The following COG6 variants were observed in gnomAD, a reference collection of about 807,000 sequenced individuals.
COG6 encodes the protein conserved oligomeric Golgi complex subunit 6.
COG6 carries 74 observed loss-of-function variants against 88.8 expected under a neutral mutation model. The observed-to-expected ratio is 0.83, with a 90% CI of 0.69 to 1.01. COG6 has a LOEUF of 1.01. Ranked by LOEUF, COG6 falls within the 50% of genes least tolerant of loss-of-function variation. The pLI is 0.00. For synonymous variants in COG6, 286 were observed against 278.7 expected (o/e 1.03, Z -0.26); for missense variants, 800 against 797.9 (o/e 1.00, Z -0.03).
chr13:39,728,674 T>G (rs56322803), intron 18 of COG6, among the ~76,000 whole-genome samples: 39,453 of 151,594 alleles, frequency 0.26, 5,174 homozygotes, highest in African/African-American at 0.28. Flanking sequence ...TGTAGGTGCT[T>G]CTTTTTTTTT....
chr13:39,696,053 G>A (rs1163003778), intron 12 of COG6, among the ~76,000 whole-genome samples: 2 of 151,756 alleles, frequency 1.3e-5, no homozygotes, highest in Admixed American at 1.3e-4. Flanking sequence ...AGAAAATGCT[G>A]GAAATAAAAT....
At chr13:39,737,445 G>A (rs115534723) in intron 18 of COG6, among the ~76,000 whole-genome samples, 20 of 151,682 alleles carry the variant, frequency 1.3e-4, no homozygotes, top group African/African-American at 4.6e-4. Context: ...CAGAGAAGCT[G>A]TCTGGGATGC....
intron 18 of COG6, among the ~76,000 whole-genome samples, chr13:39,781,997 C>A (rs923442194): frequency 6.6e-6 from 1 of 152,182 alleles, no homozygotes; most frequent in African/African-American, 2.4e-5. Flanking sequence ...TGAACTTGTT[C>A]TTTCCCAGCT....
At chr13:39,728,224 C>T (rs562898710) in intron 18 of COG6, among the ~76,000 whole-genome samples, 89 of 152,050 alleles carry the variant, frequency 5.9e-4, no homozygotes, top group African/African-American at 1.4e-3. Context: ...ACTGTTTTCA[C>T]GGAGCTTATA....
chr13:39,724,425 G>T, intron 16 of COG6, 83 bp from the exon 17 acceptor site: 1 of 1,077,106 alleles, frequency 9.3e-7, no homozygotes, highest in South Asian at 1.4e-5. Context: ...GTGCACTAAT[G>T]AACTATATTC....
At chr13:39,778,819 C>T (rs1881545516) in intron 18 of COG6, among the ~76,000 whole-genome samples, 1 of 152,124 alleles carries the variant, frequency 6.6e-6, no homozygotes, top group Admixed American at 6.5e-5. Flanking sequence ...TGGTTTTGGT[C>T]CTCCCCTTGT....
chr13:39,765,161 A>G (rs1881128436), intron 18 of COG6, among the ~76,000 whole-genome samples: 1 of 152,078 alleles, frequency 6.6e-6, no homozygotes, highest in African/African-American at 2.4e-5. Context: ...CTTAAAAAAG[A>G]GTCGCTAAGA....
intron 18 of COG6, among the ~76,000 whole-genome samples, chr13:39,740,495 A>G (rs954789692): frequency 4.1e-4 from 62 of 152,218 alleles, no homozygotes; most frequent in African/African-American, 1.4e-3. Flanking sequence ...AGGTCAAAAA[A>G]TTTGTAAGAA....
At chr13:39,729,968 T>G (rs1879346722) in intron 18 of COG6, among the ~76,000 whole-genome samples, 1 of 152,204 alleles carries the variant, frequency 6.6e-6, no homozygotes, top group African/African-American at 2.4e-5. Context: ...ACTTGTCAGA[T>G]TTCCTAAGCT....
rs1876217949 is a variant in COG6 at position 39,680,044 on chromosome 13, A to G, written c.693A>G (p.Gln231=). 3.2e-6 allele frequency: 5 copies of G among 1,559,186 alleles called. No individual in the cohort carries two copies. Among genetic ancestry groups the G allele is most frequent in the Non-Finnish European group, 4.4e-6 (5 of 1,132,036 alleles). ...TAYERLYRWA[Q]SECRTLTQES... ...ATGAAAGACTTTACCGATGGGCTCA[A>G]AGTAAGTGATTTCTTTTATGTTGTC... Residue 231 remains glutamine (Q), a splice_region_variant and synonymous_variant, in exon 7 of 19, where the codon CAA becomes CAG. Transcript: ENST00000455146.
chr13:39,735,038 CTTGTTT>C, intron 18 of COG6, among the ~76,000 whole-genome samples: 1 of 151,410 alleles, frequency 6.6e-6, no homozygotes, highest in East Asian at 1.9e-4. Context: ...ATTTTTGGGT[CTTGTTT>C]TTTTAATCCA....
chr13:39,752,233 A>G lies in COG6; in HGVS notation c.*1140A>G. ...AGAAAATTGAAGCACAAGGAAAAAA[A>G]TAACTAGTTTGAAATATTTTGAAAA... On this transcript the variant is annotated 3_prime_UTR_variant, in exon 19 of 19. Coordinates refer to ENST00000455146, the MANE Select transcript of COG6 (RefSeq NM_020751.3). 9.5e-7 allele frequency: 1 copy of G among 1,047,784 alleles called. No homozygotes were observed. Among genetic ancestry groups the G allele is most frequent in the Non-Finnish European group, 1.2e-6 (1 of 812,864 alleles). The allele number at this position is 1,047,784 out of a possible 1,614,324, so 64.9% of individuals were successfully genotyped here. A position where few individuals can be genotyped will look rare whatever the true frequency, so the allele number is the denominator to read the frequency against.
chr13:39,711,505 CCCT>C, intron 13 of COG6, among the ~76,000 whole-genome samples: 1 of 85,306 alleles, frequency 1.2e-5, no homozygotes, highest in Admixed American at 1.7e-4. Context: ...TAAGCTCTGC[CCCT>C]TCTAAGAACA....
chr13:39,753,670 T>C (rs926131919), downstream of COG6, among the ~76,000 whole-genome samples: 1 of 152,162 alleles, frequency 6.6e-6, no homozygotes, highest in Non-Finnish European at 1.5e-5. Flanking sequence ...ATTCCCTCCA[T>C]TATGCTCTGG....
chr13:39,780,852 G>A (rs565927365), intron 18 of COG6, among the ~76,000 whole-genome samples: 1 of 152,308 alleles, frequency 6.6e-6, no homozygotes, highest in East Asian at 1.9e-4. Flanking sequence ...CACGAGGAAA[G>A]GCGATGGCTC....
intron 18 of COG6, among the ~76,000 whole-genome samples, chr13:39,772,980 TA>T (rs1008753634): frequency 2.0e-5 from 3 of 152,342 alleles, no homozygotes; most frequent in African/African-American, 7.2e-5. Flanking sequence ...TTGTATATTT[TA>T]TGTCTCCTCC....
rs764266566 is a variant in COG6, at chr13:39,727,459, T to C, written c.1747-10T>C. On this transcript the variant is annotated splice_polypyrimidine_tract_variant and intron_variant, in intron 17 of 18. Coordinates refer to ENST00000455146, the MANE Select transcript of COG6 (RefSeq NM_020751.3). ...GTACTTTATATTTTGTATTTCTCTG[T>C]TTCATTTAGGTTCAGTTTGATCGTT... The C allele has an allele frequency of 3.1e-6, 5 of 1,601,028 alleles. No homozygotes were observed. The South Asian group carries it at 5.5e-5, about 18-fold the overall frequency.
intron 13 of COG6, among the ~76,000 whole-genome samples, chr13:39,711,888 C>T (rs144785388): frequency 0.019 from 2,956 of 152,266 alleles, 47 homozygotes; most frequent in Non-Finnish European, 0.03. Flanking sequence ...GAGATTGAGT[C>T]TCGCTCTGTG....
At chr13:39,684,186 G>T (rs564088522) in intron 8 of COG6, among the ~76,000 whole-genome samples, 35 of 149,626 alleles carry the variant, frequency 2.3e-4, no homozygotes, top group Admixed American at 1.6e-3. Context: ...GGCAAAGAAG[G>T]TTTATCTGTG....
Sources: allele counts gnomAD v4.1 joint callset (sites outside exome capture counted in the v4.1 genomes callset), GRCh38; gene constraint gnomAD v4.1.1; transcripts MANE v1.5; gene names NCBI Gene and HGNC (gene_info 2026-07-23, HGNC 2026-07-21).